Variants in SPIDR observed in about 807,000 individuals in gnomAD.
SPIDR encodes the protein scaffold protein involved in DNA repair.
Under a neutral mutation model 104.6 loss-of-function variants are expected in SPIDR, and 93 were observed. That is an observed-to-expected ratio of 0.89 (90% CI 0.75 to 1.06). The LOEUF (loss-of-function observed/expected upper bound fraction) is 1.06. SPIDR is among the 50% of genes least tolerant of loss of function. The pLI is 0.00. For missense variants in SPIDR, 1,154 were observed against 1,111.2 expected, an observed-to-expected ratio of 1.04 and a Z score of -0.55; for synonymous variants, 431 against 416.9, an observed-to-expected ratio of 1.03 and a Z score of -0.41.
chr8:47,262,640 T>A (rs1230898940), intron 1 of SPIDR, among the ~76,000 whole-genome samples: 1 of 152,212 alleles, frequency 6.6e-6, no homozygotes, highest in Non-Finnish European at 1.5e-5. Context: ...TCGGTCCCCG[T>A]GTCTTTTATA....
At chr8:47,375,233 CTTTTTTTTTT>C (rs869038432) in intron 5 of SPIDR, among the ~76,000 whole-genome samples, 19 of 53,346 alleles carry the variant, frequency 3.6e-4, no homozygotes, top group Admixed American at 6.7e-4. Flanking sequence ...AGTTAATAGG[CTTTTTTTTTT>C]TTTTTTTTTT....
chr8:47,302,657 T>C (rs2042321831), intron 5 of SPIDR, among the ~76,000 whole-genome samples: 2 of 152,246 alleles, frequency 1.3e-5, no homozygotes, highest in African/African-American at 4.8e-5. Flanking sequence ...TAGTTTTCCT[T>C]CTAACAGTCA....
intron 1 of SPIDR, among the ~76,000 whole-genome samples, chr8:47,268,185 A>G (rs2034488664): frequency 1.3e-5 from 2 of 152,228 alleles, no homozygotes; most frequent in African/African-American, 2.4e-5. Flanking sequence ...TATGAATTCT[A>G]TTCCACTGAT....
intron 8 of SPIDR, among the ~76,000 whole-genome samples, chr8:47,463,360 CAA>C (rs1256249571): frequency 4.0e-5 from 5 of 125,652 alleles, no homozygotes; most frequent in Admixed American, 8.3e-5. Flanking sequence ...GACTCCGTCT[CAA>C]AAAAAAAAAA....
chr8:47,512,524 G>A (rs530519329), intron 8 of SPIDR, among the ~76,000 whole-genome samples: 14 of 152,314 alleles, frequency 9.2e-5, no homozygotes, highest in Non-Finnish European at 1.8e-4. Flanking sequence ...GGAGGTTTTA[G>A]TATAATATGA....
chr8:47,625,321 T>A (rs924329089), intron 10 of SPIDR, among the ~76,000 whole-genome samples: 1 of 152,182 alleles, frequency 6.6e-6, no homozygotes, highest in Non-Finnish European at 1.5e-5. Context: ...CTTTGAAAAC[T>A]GGCACAAGAC....
intron 8 of SPIDR, among the ~76,000 whole-genome samples, chr8:47,567,659 G>A (rs1398755442): frequency 6.6e-6 from 1 of 152,056 alleles, no homozygotes; most frequent in African/African-American, 2.4e-5. Flanking sequence ...GGTAGGAAGG[G>A]GCTGGCAATT....
chr8:47,418,674 G>C (rs947858514), intron 7 of SPIDR, among the ~76,000 whole-genome samples: 3 of 152,164 alleles, frequency 2.0e-5, no homozygotes, highest in Non-Finnish European at 4.4e-5. Context: ...GGAGTGGTGA[G>C]AGAGGGCATC....
intron 8 of SPIDR, among the ~76,000 whole-genome samples, chr8:47,484,501 A>G (rs538986542): frequency 2.0e-5 from 3 of 152,300 alleles, no homozygotes; most frequent in African/African-American, 7.2e-5. Flanking sequence ...AGAGCAGAAC[A>G]TGGTGGCAGA....
intron 15 of SPIDR, 64 bp downstream of exon 15, chr8:47,712,936 T>G: frequency 1.9e-6 from 3 of 1,596,672 alleles, no homozygotes; most frequent in Non-Finnish European, 2.6e-6. Flanking sequence ...GAATACCTCT[T>G]GTGGCCTCTG....
At chr8:47,549,558 T>A (rs911649241) in intron 8 of SPIDR, among the ~76,000 whole-genome samples, 13 of 152,250 alleles carry the variant, frequency 8.5e-5, no homozygotes, top group Non-Finnish European at 1.5e-4. Context: ...GTTGGCTGCA[T>A]AAATGTCTTC....
intron 4 of SPIDR, among the ~76,000 whole-genome samples, chr8:47,292,163 C>A (rs1434228665): frequency 6.6e-6 from 1 of 152,130 alleles, no homozygotes; most frequent in Non-Finnish European, 1.5e-5. Context: ...ATATACAAAT[C>A]ATCTATAGAG....
chr8:47,677,449 C>A (rs1296407001), intron 11 of SPIDR, among the ~76,000 whole-genome samples: 2 of 152,160 alleles, frequency 1.3e-5, no homozygotes, highest in Non-Finnish European at 2.9e-5. Flanking sequence ...GTTCAAAAAT[C>A]TGGTATTTAT....
At chr8:47,541,389 A>G (rs1016071793) in intron 8 of SPIDR, among the ~76,000 whole-genome samples, 1 of 152,312 alleles carries the variant, frequency 6.6e-6, no homozygotes, top group Non-Finnish European at 1.5e-5. Context: ...AATAGTGTAT[A>G]TATCTTCCCA....
intron 8 of SPIDR, among the ~76,000 whole-genome samples, chr8:47,510,546 A>G (rs1426808759): frequency 6.6e-6 from 1 of 152,170 alleles, no homozygotes; most frequent in Non-Finnish European, 1.5e-5. Context: ...AGTATGAAAG[A>G]TCATAATATA....
chr8:47,700,467 G>A lies in SPIDR; in HGVS notation c.1750G>A (p.Gly584Ser). Residue 584 changes from glycine to serine, a missense_variant, in exon 12 of 20, where the codon GGC (glycine) becomes AGC (serine). Coordinates refer to ENST00000297423, the MANE Select transcript of SPIDR (RefSeq NM_001080394.4). The stretch of plus-strand genomic sequence containing the variant: ...CCCAGCGATACCTCTGAAAACACCT[G>A]GCCGCGACCAGCCCTGTGAAGAGGT... ...WPPAIPLKTP[G>S]RDQPCEEIKT... 1 of 1,614,198 alleles carries A rather than the reference G, an allele frequency of 6.2e-7. No individual in the cohort carries two copies. The highest frequency in any genetic ancestry group is 2.2e-5 in the East Asian group (1 of 44,884).
chr8:47,342,438 G>C (rs142001578), intron 5 of SPIDR, among the ~76,000 whole-genome samples: 1 of 139,916 alleles, frequency 7.1e-6, no homozygotes, highest in East Asian at 2.2e-4. Flanking sequence ...CCGGATTCAA[G>C]TGATTCTCCC....
At chr8:47,597,505 C>A (rs2061753282) in intron 9 of SPIDR, among the ~76,000 whole-genome samples, 1 of 152,178 alleles carries the variant, frequency 6.6e-6, no homozygotes, top group South Asian at 2.1e-4. Context: ...TCGTCTCCAT[C>A]ATAGTTTTAT....
chr8:47,356,306 G>A lies in SPIDR; in HGVS notation c.526-40070G>A, dbSNP rs904522894. On this transcript the variant is annotated intron_variant, in intron 5 of 19. Coordinates refer to ENST00000297423, the MANE Select transcript of SPIDR (RefSeq NM_001080394.4). Reference sequence around the variant, plus strand: ...AAACAGTTTTACTCCTGAAATGAAGGTGATGGGATAAAGTTAAGGGATCAG... The same window carrying A: ...AAACAGTTTTACTCCTGAAATGAAGATGATGGGATAAAGTTAAGGGATCAG... Among the ~76,000 whole-genome samples the A allele has an allele frequency of 3.9e-5, 6 of 152,140 alleles. 1 individual carries two copies. The highest frequency in any genetic ancestry group is 8.8e-5 in the Non-Finnish European group (6 of 68,026).
Sources: allele counts gnomAD v4.1 joint callset (sites outside exome capture counted in the v4.1 genomes callset), GRCh38; gene constraint gnomAD v4.1.1; transcripts MANE v1.5; gene names NCBI Gene and HGNC (gene_info 2026-07-23, HGNC 2026-07-21).